Variants in LGI1 observed in about 807,000 individuals in gnomAD.
LGI1 encodes the protein leucine rich glioma inactivated 1, also known as leucine-rich glioma-inactivated protein 1.
A neutral mutation model predicts 57.7 loss-of-function variants in LGI1; 11 were observed. That is an observed-to-expected ratio of 0.19 (90% CI 0.12 to 0.32). The LOEUF (loss-of-function observed/expected upper bound fraction) is 0.32, where lower values mean the gene tolerates loss of function less well. Ranked by LOEUF, LGI1 falls within the 10% of genes least tolerant of loss-of-function variation. The pLI, the probability that LGI1 is intolerant of heterozygous loss-of-function variation, is 1.00. For missense variants in LGI1, 422 were observed against 661.9 expected, an observed-to-expected ratio of 0.64 and a Z score of 3.98; for synonymous variants, 222 against 241.9, an observed-to-expected ratio of 0.92 and a Z score of 0.76.
intron 2 of LGI1, among the ~76,000 whole-genome samples, chr10:93,774,912 C>T (rs191040997): frequency 2.6e-5 from 4 of 152,124 alleles, no homozygotes; most frequent in South Asian, 2.1e-4. Flanking sequence ...TTTAAGTATA[C>T]GTAGGATAAT....
chr10:93,779,566 A>T (rs985644580), intron 4 of LGI1, among the ~76,000 whole-genome samples: 2 of 152,024 alleles, frequency 1.3e-5, no homozygotes, highest in African/African-American at 4.8e-5. Flanking sequence ...AAGAGGAAAA[A>T]GGGAAAGAAA....
At position 93,758,122 on chromosome 10, in the gene LGI1, G is replaced by A; in HGVS notation, c.-23G>A. On this transcript the variant is annotated 5_prime_UTR_variant, in exon 1 of 8. Coordinates refer to ENST00000371418, the MANE Select transcript of LGI1 (RefSeq NM_005097.4). This position sits in a 1 kb window ranked among gnomAD's most constrained non-coding sequence, Gnocchi z 4.7. ...CTGAATTCCAGAAGCCCTGTTCATG[G>A]TTGGGGATATTTTCTCGACTGCATG... 6.2e-7 allele frequency: 1 copy of A among 1,607,154 alleles called. No homozygotes were observed. The highest frequency in any genetic ancestry group is 8.5e-7 in the Non-Finnish European group (1 of 1,173,726).
At chr10:93,791,986 A>G (rs1447024556) in intron 5 of LGI1, 3 of 152,334 alleles carry the variant, frequency 2.0e-5, no homozygotes, top group Non-Finnish European at 4.4e-5. Context: ...GTGCTGTCCA[A>G]TAGGGTAGCC....
In LGI1 at chr10:93,793,545, A is replaced by G. The variant is rs185474566; in HGVS notation, c.838+195A>G. ...CGGGAATAATATTAATACTTAACTCACAAGGTTGTTAATAAGATCATGTGA... is the reference window on the plus strand; with the variant it reads ...CGGGAATAATATTAATACTTAACTCGCAAGGTTGTTAATAAGATCATGTGA... On this transcript the variant is annotated intron_variant, in intron 7 of 7. Transcript: ENST00000371418. 2.2e-4 allele frequency among the ~76,000 whole-genome samples: 34 copies of G among 152,348 alleles called. No homozygotes were observed. In the East Asian group the frequency reaches 5.4e-3, roughly 24 times the overall value.
chr10:93,777,705 T>A, intron 4 of LGI1, 88 bp downstream of exon 4: 2 of 1,027,966 alleles, frequency 1.9e-6, no homozygotes, highest in Admixed American at 4.0e-5. Flanking sequence ...ACTTTATGAG[T>A]GTCCATAAAA....
rs2059589124 is a variant in LGI1 at position 93,758,569 on chromosome 10, A to G, written c.216-191A>G. On this transcript the variant is annotated intron_variant, in intron 1 of 7. Transcript: ENST00000371418. The surrounding 1 kb of genome is among the most constrained non-coding windows in gnomAD (Gnocchi z 4.7). Reference sequence around the variant, plus strand: ...TGCTTAGATACCCCCAGCCCTGAACATTATCATGAGAAACCTGTAGCCGAT... The same window carrying G: ...TGCTTAGATACCCCCAGCCCTGAACGTTATCATGAGAAACCTGTAGCCGAT... 1 of 691,706 alleles carries G rather than the reference A, an allele frequency of 1.4e-6. No individual in the cohort carries two copies. The allele number at this position is 691,706 out of a possible 1,614,324, so 42.8% of individuals were successfully genotyped here.
At chr10:93,781,290 C>G (rs1254237215) in intron 4 of LGI1, among the ~76,000 whole-genome samples, 1 of 151,878 alleles carries the variant, frequency 6.6e-6, no homozygotes, top group South Asian at 2.1e-4. Flanking sequence ...ACCCGGGAGG[C>G]GGAGCTTGCA....
intron 2 of LGI1, among the ~76,000 whole-genome samples, chr10:93,774,221 G>A (rs1035364207): frequency 6.6e-6 from 1 of 152,076 alleles, no homozygotes; most frequent in Non-Finnish European, 1.5e-5. Context: ...CTGCATATGA[G>A]TCTCCTAGGG....
intron 2 of LGI1, among the ~76,000 whole-genome samples, chr10:93,773,599 T>G (rs1169223858): frequency 2.0e-5 from 3 of 152,148 alleles, no homozygotes; most frequent in Admixed American, 2.0e-4. Flanking sequence ...ATATAAATGA[T>G]TTTTCTAAAT....
At chr10:93,777,711 T>G in intron 4 of LGI1, 94 bp downstream of exon 4, 1 of 983,052 alleles carries the variant, frequency 1.0e-6, no homozygotes, top group African/African-American at 1.6e-5. Context: ...TGAGTGTCCA[T>G]AAAAATTTAA....
rs956929275 is a variant in LGI1 at position 93,783,320 on chromosome 10, G to T, written c.431+5703G>T. On this transcript the variant is annotated intron_variant, in intron 4 of 7. Coordinates refer to ENST00000371418, the MANE Select transcript of LGI1 (RefSeq NM_005097.4). Reference sequence around the variant, plus strand: ...GAACCCGGGAGGTGGAGCTTGCAGTGAGCCGAGATCGCGCCACTGCACTCC... The same window carrying T: ...GAACCCGGGAGGTGGAGCTTGCAGTTAGCCGAGATCGCGCCACTGCACTCC... Among the ~76,000 whole-genome samples the T allele has an allele frequency of 9.8e-5, 15 of 152,314 alleles. No individual in the cohort carries two copies. The East Asian group carries it at 2.9e-3, about 29-fold the overall frequency.
In LGI1 at chr10:93,798,085, AT is replaced by A; in HGVS notation, c.*283del. 1 of 449,124 alleles carries A rather than the reference AT, an allele frequency of 2.2e-6. No individual in the cohort carries two copies. The highest frequency in any genetic ancestry group is 4.2e-5 in the East Asian group (1 of 23,794). 27.8% of individuals were successfully genotyped at this position (449,124 alleles called of 1,614,324 possible). A position where few individuals can be genotyped will look rare whatever the true frequency, so the allele number is the denominator to read the frequency against. On this transcript the variant is annotated 3_prime_UTR_variant, in exon 8 of 8. Transcript: ENST00000371418. ...TCTGTTACTCCAAAAAGAAATATTA[AT>A]ATGTACTTTTCCATTTATTTATTCA...
chr10:93,770,351 T>G (rs1303971175), intron 2 of LGI1: 4 of 152,254 alleles, frequency 2.6e-5, no homozygotes, highest in Admixed American at 2.6e-4. Flanking sequence ...GGAAAGCACC[T>G]CAGTGGCCCA....
At chr10:93,766,251 G>T (rs1032660147) in intron 2 of LGI1, among the ~76,000 whole-genome samples, 3 of 152,100 alleles carry the variant, frequency 2.0e-5, no homozygotes, top group Non-Finnish European at 4.4e-5. Context: ...AAGATGGCAG[G>T]TGCTTGCATG....
At chr10:93,784,366 C>A (rs2059878378) in intron 4 of LGI1, among the ~76,000 whole-genome samples, 1 of 152,180 alleles carries the variant, frequency 6.6e-6, no homozygotes, top group Non-Finnish European at 1.5e-5. Context: ...AAGCCATAGC[C>A]TCTCAGTGAA....
chr10:93,777,238 C>T, intron 2 of LGI1, 141 bp from the exon 3 acceptor site: 1 of 755,166 alleles, frequency 1.3e-6, no homozygotes, highest in Non-Finnish European at 2.3e-6. Context: ...CATAGATTAT[C>T]TGCATAACTA....
At chr10:93,783,739 CG>C (rs2059870601) in intron 4 of LGI1, among the ~76,000 whole-genome samples, 1 of 152,176 alleles carries the variant, frequency 6.6e-6, no homozygotes, top group Non-Finnish European at 1.5e-5. Context: ...AGGCTGTGTG[CG>C]GTGGCTCATG....
In LGI1 at chr10:93,797,465, A is replaced by C. The variant is rs769204967; in HGVS notation, c.1336A>C (p.Ile446Leu). The stretch of plus-strand genomic sequence containing the variant: ...CTTCTCAGTGAAAGGGGACGTGTAC[A>C]TTTGCTTGACAAGATTCATTGGTGA... The part of the protein sequence containing the change: ...KHFSVKGDVY[I>L]CLTRFIGDSK... Residue 446 changes from isoleucine to leucine, a missense_variant, in exon 8 of 8, where the codon ATT (isoleucine) becomes CTT (leucine). By Grantham distance (5) the Ile-to-Leu change is conservative. This residue lies in a region of LGI1 where 301 missense variants were observed against 461.7 expected (regional missense o/e 0.65). Coordinates refer to ENST00000371418, the MANE Select transcript of LGI1 (RefSeq NM_005097.4). This position sits in a 1 kb window ranked among gnomAD's most constrained non-coding sequence, Gnocchi z 6.5. 47 of 1,614,094 alleles carry C rather than the reference A, an allele frequency of 2.9e-5. No individual in the cohort carries two copies. The highest frequency in any genetic ancestry group is 3.7e-5 in the Non-Finnish European group (44 of 1,180,042).
rs878934761 is a variant in LGI1, at chr10:93,777,400, T to C, written c.309T>C (p.Phe103=). The C allele has an allele frequency of 6.2e-7, 1 of 1,614,024 alleles. No individual in the cohort carries two copies. The highest frequency in any genetic ancestry group is 8.5e-7 in the Non-Finnish European group (1 of 1,179,886). ...GCAGGTTATTCACATCGAACTCCTT[T>C]GATGTGATCAGTGATGATGCTTTTA... ...LQLLLFTSNS[F]DVISDDAFIG... The change falls in exon 3 of 8, where the codon TTT becomes TTC. Residue 103 remains phenylalanine, a synonymous_variant. Coordinates refer to ENST00000371418, the MANE Select transcript of LGI1 (RefSeq NM_005097.4).
Sources: allele counts gnomAD v4.1 joint callset (sites outside exome capture counted in the v4.1 genomes callset), GRCh38; gene constraint gnomAD v4.1.1; regional missense constraint gnomAD v4.1.1; non-coding constraint Gnocchi (gnomAD v3.1); transcripts MANE v1.5; gene names NCBI Gene and HGNC (gene_info 2026-07-23, HGNC 2026-07-21).